The following PLEKHG1 variants were observed in gnomAD, a reference collection of about 807,000 sequenced individuals.
PLEKHG1 encodes the protein pleckstrin homology and RhoGEF domain containing G1.
In PLEKHG1, 44 loss-of-function variants were observed where a neutral mutation model predicts 100.8. The observed-to-expected ratio is 0.44, with a 90% CI of 0.34 to 0.56. The LOEUF (loss-of-function observed/expected upper bound fraction) is 0.56, where lower values mean the gene tolerates loss of function less well. Among genes scored for constraint, PLEKHG1 ranks in the 20% least tolerant of loss-of-function variants. The pLI, the probability that PLEKHG1 is intolerant of heterozygous loss-of-function variation, is 0.01. For missense variants in PLEKHG1, 1,545 were observed against 1,720.9 expected (o/e 0.90, Z 1.81); for synonymous variants, 640 against 662.5 (o/e 0.97, Z 0.52).
intron 3 of PLEKHG1, among the ~76,000 whole-genome samples, chr6:150,653,400 A>AC (rs1199138940): frequency 1.3e-5 from 2 of 151,828 alleles, no homozygotes; most frequent in Non-Finnish European, 2.9e-5. Context: ...GGTCAGGCTC[A>AC]CCCCCCACGT....
chr6:150,600,537 G>A lies in PLEKHG1; in HGVS notation c.-204+520G>A, dbSNP rs560119290. On this transcript the variant is annotated intron_variant, in intron 1 of 3. Transcript: ENST00000367326. This position sits in a 1 kb window ranked among gnomAD's most constrained non-coding sequence, Gnocchi z 6.2. The stretch of plus-strand genomic sequence containing the variant: ...CGAGGACCCGGGGACGCGCGGTGGG[G>A]GCGGCGGCCGAGCTGCTGCGGCGCT... 3.9e-4 allele frequency among the ~76,000 whole-genome samples: 59 copies of A among 152,340 alleles called. 1 individual carries two copies. The South Asian group carries it at 0.012, about 30-fold the overall frequency.
In PLEKHG1 at chr6:150,733,722, C is replaced by G. The variant is rs1313360084; in HGVS notation, c.41C>G (p.Ser14Cys). 3 of 1,614,190 alleles carry G rather than the reference C, an allele frequency of 1.9e-6. No homozygotes were observed. In the South Asian group the frequency reaches 3.3e-5, roughly 18 times the overall value. ...AGTGACCGACCCGTCAGCTTCGGTT[C>G]CACATCATCCTCGGCCTCTTCCCGC... The change falls in exon 2 of 16, where the codon TCC becomes TGC. Residue 14 changes from serine to cysteine, a missense_variant. Transcript: ENST00000358517.
exon 15 of PLEKHG1, chr6:150,830,872 C>T: frequency 1.2e-6 from 2 of 1,614,198 alleles, no homozygotes; most frequent in South Asian, 1.1e-5. Flanking sequence ...GCCCTTGCAG[C>T]TGGCATATGG....
At chr6:150,811,222 T>A (rs565458535) in intron 10 of PLEKHG1, among the ~76,000 whole-genome samples, 1 of 151,086 alleles carries the variant, frequency 6.6e-6, no homozygotes, top group East Asian at 2.0e-4. Flanking sequence ...TTGCGTTGAG[T>A]GGAGAGAGGA....
intron 10 of PLEKHG1, among the ~76,000 whole-genome samples, chr6:150,811,271 ATGTT>A (rs376021232): frequency 2.7e-4 from 23 of 85,302 alleles, no homozygotes; most frequent in African/African-American, 1.1e-3. Flanking sequence ...AGGATAGGGA[ATGTT>A]TTTTTTTTTT....
chr6:150,822,166 A>G, intron 13 of PLEKHG1, among the ~76,000 whole-genome samples: 1 of 150,514 alleles, frequency 6.6e-6, no homozygotes, highest in African/African-American at 2.4e-5. Flanking sequence ...AAAAAAAAAA[A>G]AAAAAAAAAA....
chr6:150,830,685 C>T lies in PLEKHG1; in HGVS notation c.1574C>T (p.Ala525Val), dbSNP rs138970683. ...TCTACCATGATCAGCGTGCTTCGAGCGGGTGGAGCTCTCAGAAACATCTGG... is the reference window on the plus strand; with the variant it reads ...TCTACCATGATCAGCGTGCTTCGAGTGGGTGGAGCTCTCAGAAACATCTGG... The change falls in exon 15 of 16, where the codon GCG becomes GTG. Residue 525 changes from alanine (A) to valine (V), a missense_variant. By Grantham distance (64) the Ala-to-Val change is moderately conservative. Transcript: ENST00000358517. 27 of 1,614,118 alleles carry T rather than the reference C, an allele frequency of 1.7e-5. No individual in the cohort carries two copies. The highest frequency in any genetic ancestry group is 2.1e-5 in the Non-Finnish European group (25 of 1,180,002).
chr6:150,813,395 A>T (rs1787662471), intron 10 of PLEKHG1, among the ~76,000 whole-genome samples: 1 of 151,890 alleles, frequency 6.6e-6, no homozygotes. Context: ...GCTGGCCCCC[A>T]TGAATCAGTG....
chr6:150,641,781 T>C (rs1274396741), intron 2 of PLEKHG1, among the ~76,000 whole-genome samples: 2 of 145,396 alleles, frequency 1.4e-5, no homozygotes, highest in South Asian at 2.1e-4. Context: ...AGCCTCAGGA[T>C]AGATGTTAAA....
chr6:150,673,627 C>A (rs987421715), intron 3 of PLEKHG1, among the ~76,000 whole-genome samples: 1 of 149,748 alleles, frequency 6.7e-6, no homozygotes, highest in Middle Eastern at 3.2e-3. Flanking sequence ...TCTTTCCTTC[C>A]TTCCTTCTTT....
At chr6:150,760,537 G>A (rs764416349) in intron 2 of PLEKHG1, among the ~76,000 whole-genome samples, 3 of 152,030 alleles carry the variant, frequency 2.0e-5, no homozygotes, top group Admixed American at 6.6e-5. Flanking sequence ...TGGTAAACAC[G>A]GTGGTGGCCC....
intron 3 of PLEKHG1, among the ~76,000 whole-genome samples, chr6:150,656,121 T>TA (rs372257546): frequency 2.4e-4 from 35 of 146,568 alleles, no homozygotes; most frequent in Admixed American, 5.5e-4. Flanking sequence ...AATCAACCAA[T>TA]AAAAAAAAAA....
chr6:150,832,200 C>A, exon 15 of PLEKHG1: 1 of 1,588,206 alleles, frequency 6.3e-7, no homozygotes, highest in African/African-American at 1.4e-5. Flanking sequence ...GGAGGGCCCG[C>A]CATTGGTATG....
intron 3 of PLEKHG1, among the ~76,000 whole-genome samples, chr6:150,783,191 A>C (rs1785422634): frequency 1.3e-5 from 2 of 150,804 alleles, no homozygotes; most frequent in Non-Finnish European, 2.9e-5. Flanking sequence ...AAAAAAGGGA[A>C]ATAAAGGGGA....
chr6:150,638,680 G>A (rs1778121602), intron 2 of PLEKHG1, among the ~76,000 whole-genome samples: 1 of 152,162 alleles, frequency 6.6e-6, no homozygotes. Flanking sequence ...GTTCAGTGGT[G>A]GGGAGCTTAC....
chr6:150,676,095 AAGG>A (rs369053990), intron 3 of PLEKHG1, among the ~76,000 whole-genome samples: 9 of 152,326 alleles, frequency 5.9e-5, no homozygotes, highest in African/African-American at 2.2e-4. Context: ...AATTTTTTTG[AAGG>A]AGGAGAAAAT....
At chr6:150,689,421 A>T (rs1780259292) in intron 3 of PLEKHG1, among the ~76,000 whole-genome samples, 2 of 152,222 alleles carry the variant, frequency 1.3e-5, no homozygotes, top group African/African-American at 4.8e-5. Flanking sequence ...TTAGTTCTTT[A>T]AAGGCAGGAA....
At chr6:150,767,213 T>C (rs1784494005) in intron 2 of PLEKHG1, among the ~76,000 whole-genome samples, 1 of 149,790 alleles carries the variant, frequency 6.7e-6, no homozygotes, top group African/African-American at 2.5e-5. Context: ...TTTTTCTTTT[T>C]TGGGCCTTTT....
chr6:150,727,206 C>A (rs1782003349), intron 1 of PLEKHG1, among the ~76,000 whole-genome samples: 1 of 152,168 alleles, frequency 6.6e-6, no homozygotes, highest in Non-Finnish European at 1.5e-5. Context: ...TAGCAATGAG[C>A]AGAATTTGGA....
Sources: gnomAD v4.1 joint callset for allele counts (sites outside exome capture counted in the v4.1 genomes callset) on GRCh38, gnomAD v4.1.1 for gene constraint, Gnocchi (gnomAD v3.1) non-coding constraint, MANE v1.5 for transcripts, NCBI Gene and HGNC (gene_info 2026-07-23, HGNC 2026-07-21) for gene names.